ELL: variants seen among roughly 807,000 people sequenced by gnomAD.
ELL encodes RNA polymerase II elongation factor ELL.
ELL carries 18 observed loss-of-function variants against 64.0 expected under a neutral mutation model. The observed-to-expected ratio is 0.28, with a 90% confidence interval of 0.19 to 0.42. The LOEUF (loss-of-function observed/expected upper bound fraction) is 0.42, where lower values mean the gene tolerates loss of function less well. Among genes scored for constraint, ELL ranks in the 10% least tolerant of loss-of-function variants. The pLI, the probability that ELL is intolerant of heterozygous loss-of-function variation, is 1.00. For synonymous variants in ELL, 399 were observed against 376.2 expected (o/e 1.06, Z -0.70); for missense variants, 797 against 870.4 (o/e 0.92, Z 1.06).
At chr19:18,509,458 T>C (rs1975950598) in intron 1 of ELL, among the ~76,000 whole-genome samples, 2 of 152,114 alleles carry the variant, frequency 1.3e-5, no homozygotes, top group Admixed American at 6.5e-5. Flanking sequence ...GGCAATGTGA[T>C]GGGGTGGCCG....
intron 1 of ELL, among the ~76,000 whole-genome samples, chr19:18,509,759 C>T (rs780470771): frequency 6.6e-6 from 1 of 152,108 alleles, no homozygotes; most frequent in Non-Finnish European, 1.5e-5. Context: ...TTCCCTCCCA[C>T]CCACCTTCAG....
At chr19:18,474,541 G>C (rs1469774112) in intron 1 of ELL, among the ~76,000 whole-genome samples, 2 of 152,204 alleles carry the variant, frequency 1.3e-5, no homozygotes, top group African/African-American at 4.8e-5. Context: ...CAAATACATG[G>C]GCCCACTCCA....
At chr19:18,454,092 G>A (rs1174851525) in intron 6 of ELL, among the ~76,000 whole-genome samples, 1 of 152,236 alleles carries the variant, frequency 6.6e-6, no homozygotes, top group East Asian at 1.9e-4. Context: ...GAACTAGACA[G>A]AGGTGGTGGC....
At position 18,446,685 on chromosome 19, in the gene ELL, G is replaced by A. The variant is rs961226562; in HGVS notation, c.1532+63C>T. 2.1e-5 allele frequency: 33 copies of A among 1,592,554 alleles called. No homozygotes were observed. In the Middle Eastern group the frequency reaches 5.0e-4, roughly 24 times the overall value. On this transcript the variant is annotated intron_variant, in intron 9 of 11. Transcript: ENST00000262809. ...TCTACCTCTGATAACCTGCAGTGCT[G>A]GGGGAGGGGGTCTGAACCCAGAAAA...
chr19:18,445,836 G>A (rs1173732805), intron 10 of ELL, among the ~76,000 whole-genome samples: 1 of 152,058 alleles, frequency 6.6e-6, no homozygotes, highest in Admixed American at 6.5e-5. Context: ...CAAGCCAGGG[G>A]ACCACAGGAG....
rs180812238 is a variant in ELL at position 18,471,986 on chromosome 19, G to C, written c.183+849C>G. 3.6e-3 allele frequency among the ~76,000 whole-genome samples: 541 copies of C among 151,404 alleles called. 5 individuals are homozygous for C. The highest frequency in any genetic ancestry group is 0.013 in the African/African-American group (516 of 41,190). On this transcript the variant is annotated intron_variant, in intron 2 of 11. Transcript: ENST00000262809. Reference sequence around the variant, plus strand: ...TCTTTTTCTTTTTTTTTTTGAGACAGAGTTTCGCTCTTGTTGCCCGGGCTG... The same window carrying C: ...TCTTTTTCTTTTTTTTTTTGAGACACAGTTTCGCTCTTGTTGCCCGGGCTG...
chr19:18,501,762 C>T lies in ELL; in HGVS notation c.135+20159G>A, dbSNP rs1304738770. Reference sequence around the variant, plus strand: ...TTGAAACCACCAATCCAGGCAAATTCGGACTCTCCCACAAATGGTCCATCC... The same window carrying T: ...TTGAAACCACCAATCCAGGCAAATTTGGACTCTCCCACAAATGGTCCATCC... On this transcript the variant is annotated intron_variant, in intron 1 of 11. Transcript: ENST00000262809. The surrounding 1 kb of genome is among the most constrained non-coding windows in gnomAD (Gnocchi z 4.5). Among the ~76,000 whole-genome samples the T allele has an allele frequency of 6.6e-6, 1 of 152,198 alleles. No homozygotes were observed. Among genetic ancestry groups the T allele is most frequent in the Non-Finnish European group, 1.5e-5 (1 of 68,026 alleles).
At chr19:18,483,885 C>T (rs1430351165) in intron 1 of ELL, among the ~76,000 whole-genome samples, 1 of 152,236 alleles carries the variant, frequency 6.6e-6, no homozygotes, top group Non-Finnish European at 1.5e-5. Context: ...CCAGGCATGG[C>T]CCAGGCCTGC....
chr19:18,458,602 C>T (rs1306803625), intron 5 of ELL, among the ~76,000 whole-genome samples: 1 of 152,120 alleles, frequency 6.6e-6, no homozygotes, highest in Non-Finnish European at 1.5e-5. Flanking sequence ...GCCAGGCTGG[C>T]TCCAAAAAGG....
intron 1 of ELL, among the ~76,000 whole-genome samples, chr19:18,492,334 T>C (rs963148724): frequency 7.2e-5 from 11 of 152,196 alleles, no homozygotes; most frequent in African/African-American, 2.2e-4. Flanking sequence ...CATTCCTGCA[T>C]GGCTCAGCCT....
intron 1 of ELL, among the ~76,000 whole-genome samples, chr19:18,499,955 C>T (rs1975746165): frequency 6.6e-6 from 1 of 152,154 alleles, no homozygotes; most frequent in Non-Finnish European, 1.5e-5. Flanking sequence ...AGAGCAAACC[C>T]ATTAAGTGCT....
At chr19:18,445,309 C>T (rs1338938332) in intron 10 of ELL, 41 bp from the exon 11 acceptor site, 1 of 1,610,242 alleles carries the variant, frequency 6.2e-7, no homozygotes, top group South Asian at 1.1e-5. Flanking sequence ...GAATGTGTCC[C>T]CGCCTACAGG....
intron 1 of ELL, among the ~76,000 whole-genome samples, chr19:18,504,493 A>C (rs1220443809): frequency 6.6e-6 from 1 of 152,146 alleles, no homozygotes; most frequent in East Asian, 1.9e-4. Flanking sequence ...CCTGGGAGGA[A>C]GGGGAAGTGG....
In ELL at chr19:18,445,013, G is replaced by T. The variant is rs544299286; in HGVS notation, c.1750-145C>A. 13 of 1,084,960 alleles carry T rather than the reference G, an allele frequency of 1.2e-5. No individual in the cohort carries two copies. The East Asian group carries it at 2.4e-4, about 20-fold the overall frequency. 67.2% of individuals were successfully genotyped at this position (1,084,960 alleles called of 1,614,324 possible). A position where few individuals can be genotyped will look rare whatever the true frequency, so the allele number is the denominator to read the frequency against. On this transcript the variant is annotated intron_variant, in intron 11 of 11. Transcript: ENST00000262809. The stretch of plus-strand genomic sequence containing the variant: ...GTGGTCCAAGGGCAGAGTGGGAGTT[G>T]GTCCCCCGCACCTCCACAGCTTGTG...
At chr19:18,474,677 C>T (rs1975140122) in intron 1 of ELL, among the ~76,000 whole-genome samples, 1 of 152,216 alleles carries the variant, frequency 6.6e-6, no homozygotes, top group Admixed American at 6.5e-5. Flanking sequence ...TGTGCTACTG[C>T]GACAAGGGGG....
intron 1 of ELL, among the ~76,000 whole-genome samples, chr19:18,517,706 A>T (rs187957): frequency 0.14 from 21,810 of 151,332 alleles, 1,642 homozygotes; most frequent in South Asian, 0.2. Flanking sequence ...ACAAAAAAAA[A>T]TTTTTTTTAA....
intron 1 of ELL, among the ~76,000 whole-genome samples, chr19:18,477,884 A>G (rs1235693225): frequency 1.3e-5 from 2 of 152,178 alleles, no homozygotes; most frequent in East Asian, 3.9e-4. Context: ...AAGATCATTC[A>G]AGGCATAAAT....
At chr19:18,468,912 C>G (rs889304278) in intron 2 of ELL, among the ~76,000 whole-genome samples, 3 of 151,924 alleles carry the variant, frequency 2.0e-5, no homozygotes, top group Admixed American at 6.5e-5. Flanking sequence ...ACTGACAGGG[C>G]CCCCCTGCCT....
At chr19:18,509,878 G>T (rs1975979258) in intron 1 of ELL, among the ~76,000 whole-genome samples, 1 of 152,142 alleles carries the variant, frequency 6.6e-6, no homozygotes, top group Non-Finnish European at 1.5e-5. Context: ...CTTCTCACCT[G>T]GAAGAGACCT....
Sources: gnomAD v4.1 joint callset for allele counts (sites outside exome capture counted in the v4.1 genomes callset) on GRCh38, gnomAD v4.1.1 for gene constraint, Gnocchi (gnomAD v3.1) non-coding constraint, MANE v1.5 for transcripts, NCBI Gene and HGNC (gene_info 2026-07-23, HGNC 2026-07-21) for gene names.